ARHGEF3: variants seen among roughly 807,000 people sequenced by gnomAD.
The protein encoded by ARHGEF3 is Rho guanine nucleotide exchange factor 3.
In ARHGEF3, 28 loss-of-function variants were observed where a neutral mutation model predicts 63.2. That is an observed-to-expected ratio of 0.44 (90% CI 0.33 to 0.61). ARHGEF3 has a LOEUF of 0.61. ARHGEF3 is among the 20% of genes least tolerant of loss of function. The probability of loss-of-function intolerance (pLI) is 0.03; values close to 1 mark genes in which losing one functional copy is unlikely to be tolerated. For missense variants in ARHGEF3, 533 were observed against 659.3 expected (o/e 0.81, Z 2.10); for synonymous variants, 266 against 254.2 (o/e 1.05, Z -0.44).
chr3:56,857,027 T>C (rs2039910165), intron 4 of ARHGEF3, among the ~76,000 whole-genome samples: 1 of 151,996 alleles, frequency 6.6e-6, no homozygotes, highest in Admixed American at 6.6e-5. Context: ...AGCTGCCAGA[T>C]CACATGACTG....
chr3:56,860,070 C>A (rs201394910), intron 4 of ARHGEF3, among the ~76,000 whole-genome samples: 38 of 115,250 alleles, frequency 3.3e-4, no homozygotes, highest in South Asian at 1.7e-3. Context: ...ATAGATAGAT[C>A]GATAGATAGA....
chr3:56,955,358 G>A (rs1311800094), intron 3 of ARHGEF3, among the ~76,000 whole-genome samples: 1 of 141,744 alleles, frequency 7.1e-6, no homozygotes, highest in African/African-American at 2.5e-5. Context: ...ATCACGCCCA[G>A]CTAATTTTGG....
rs756665092 is a variant in ARHGEF3, at chr3:56,732,227, G to A, written c.1228+11C>T. ...AACATTCAACAGGTCAACCCCGACT[G>A]CTATCCATACTTCTCTCATTGTTGC... is the stretch of plus-strand genomic sequence containing the variant. On this transcript the variant is annotated intron_variant, in intron 9 of 9. Coordinates refer to ENST00000296315, the MANE Select transcript of ARHGEF3 (RefSeq NM_019555.3). 9.3e-6 allele frequency: 15 copies of A among 1,613,580 alleles called. No homozygotes were observed. The highest frequency in any genetic ancestry group is 1.3e-5 in the Non-Finnish European group (15 of 1,180,028).
intron 4 of ARHGEF3, among the ~76,000 whole-genome samples, chr3:56,824,649 A>C (rs1245612429): frequency 6.6e-6 from 1 of 152,226 alleles, no homozygotes; most frequent in Non-Finnish European, 1.5e-5. Flanking sequence ...GTTTTTGAAG[A>C]TTATTGGCAA....
chr3:56,891,838 C>T (rs544350456), intron 3 of ARHGEF3, among the ~76,000 whole-genome samples: 35 of 152,104 alleles, frequency 2.3e-4, no homozygotes, highest in South Asian at 8.3e-4. Flanking sequence ...GTACAGGCAC[C>T]GGGGGGAAAA....
intron 3 of ARHGEF3, among the ~76,000 whole-genome samples, chr3:56,901,337 CA>C (rs377349913): frequency 3.3e-4 from 50 of 150,966 alleles, no homozygotes; most frequent in African/African-American, 1.2e-3. Flanking sequence ...GAAGAAAGGG[CA>C]AAATGGAGAG....
intron 3 of ARHGEF3, among the ~76,000 whole-genome samples, chr3:56,936,651 G>A (rs1432384636): frequency 6.6e-6 from 1 of 152,190 alleles, no homozygotes; most frequent in Admixed American, 6.5e-5. Flanking sequence ...AATATATAGA[G>A]CTGAAGAACA....
intron 2 of ARHGEF3, among the ~76,000 whole-genome samples, chr3:56,981,519 G>A (rs1297809553): frequency 6.6e-6 from 1 of 152,104 alleles, no homozygotes; most frequent in Non-Finnish European, 1.5e-5. Context: ...AACAGAGCTA[G>A]TTGTTGAATA....
intron 4 of ARHGEF3, among the ~76,000 whole-genome samples, chr3:56,862,880 A>G (rs1292820008): frequency 6.6e-6 from 1 of 152,200 alleles, no homozygotes; most frequent in Non-Finnish European, 1.5e-5. Context: ...CTGATTCATT[A>G]GAATTCTTAC....
In ARHGEF3 at chr3:56,954,557, T is replaced by G. The variant is rs554330195; in HGVS notation, c.129+4266A>C. Among the ~76,000 whole-genome samples the G allele has an allele frequency of 2.6e-4, 40 of 152,292 alleles. No homozygotes were observed. The South Asian group carries it at 7.7e-3, about 29-fold the overall frequency. On this transcript the variant is annotated intron_variant, in intron 3 of 12. Coordinates refer to the ARHGEF3 transcript ENST00000338458. ...ATGTCCACTCCACCCTAAACCATCC[T>G]CTCTGCTTCTCTTGGTGAATGCATC...
At chr3:57,034,392 T>TG (rs1703863206) in intron 2 of ARHGEF3, among the ~76,000 whole-genome samples, 1 of 151,816 alleles carries the variant, frequency 6.6e-6, no homozygotes, top group Non-Finnish European at 1.5e-5. Context: ...TGCCTCCTCT[T>TG]GGGGGACTGG....
intron 3 of ARHGEF3, among the ~76,000 whole-genome samples, chr3:56,946,512 G>T (rs1477180413): frequency 6.6e-6 from 1 of 152,206 alleles, no homozygotes; most frequent in African/African-American, 2.4e-5. Context: ...CGATCAACTG[G>T]AAGAAAGGGT....
chr3:56,879,036 C>T (rs2040683662), intron 4 of ARHGEF3, among the ~76,000 whole-genome samples: 1 of 152,248 alleles, frequency 6.6e-6, no homozygotes, highest in African/African-American at 2.4e-5. Context: ...GCCTGATGAT[C>T]TGTCACTATT....
intron 2 of ARHGEF3, among the ~76,000 whole-genome samples, chr3:56,968,008 T>A (rs1578981627): frequency 1.8e-5 from 1 of 55,890 alleles, no homozygotes. Flanking sequence ...AATATATATT[T>A]TTAAATATAA....
chr3:56,784,059 C>T (rs140933940), intron 1 of ARHGEF3, among the ~76,000 whole-genome samples: 121 of 152,318 alleles, frequency 7.9e-4, no homozygotes, highest in African/African-American at 2.8e-3. Context: ...CTTGGTCATG[C>T]CCAGACATGA....
chr3:56,753,345 G>T, intron 4 of ARHGEF3, 159 bp downstream of exon 4: 1 of 639,594 alleles, frequency 1.6e-6, no homozygotes. Flanking sequence ...GAGCTATTCT[G>T]CCCTCTTGTT....
intron 2 of ARHGEF3, among the ~76,000 whole-genome samples, chr3:56,966,175 C>A (rs895591838): frequency 6.6e-6 from 1 of 152,126 alleles, no homozygotes; most frequent in Non-Finnish European, 1.5e-5. Context: ...GGAATGATTA[C>A]CTCCAGGGAG....
At chr3:56,920,295 C>T (rs950824571) in intron 3 of ARHGEF3, among the ~76,000 whole-genome samples, 4 of 152,178 alleles carry the variant, frequency 2.6e-5, no homozygotes, top group African/African-American at 9.7e-5. Flanking sequence ...AAACTGGTAA[C>T]AACCCCTCTT....
chr3:57,002,897 C>T (rs1702314529), intron 2 of ARHGEF3, among the ~76,000 whole-genome samples: 1 of 151,154 alleles, frequency 6.6e-6, no homozygotes, highest in Non-Finnish European at 1.5e-5. Flanking sequence ...CCTCAGCTTC[C>T]TGAGTAGCTG....
Sources: gnomAD v4.1 joint callset for allele counts (sites outside exome capture counted in the v4.1 genomes callset) on GRCh38, gnomAD v4.1.1 for gene constraint, MANE v1.5 for transcripts, NCBI Gene and HGNC (gene_info 2026-07-23, HGNC 2026-07-21) for gene names.